Variants in SOX5 observed in about 807,000 individuals in gnomAD.
SOX5 encodes transcription factor SOX-5.
In SOX5, 9 loss-of-function variants were observed where a neutral mutation model predicts 92.0. The observed-to-expected ratio is 0.10, with a 90% CI of 0.06 to 0.17. The LOEUF (loss-of-function observed/expected upper bound fraction) is 0.17, where lower values mean the gene tolerates loss of function less well. Ranked by LOEUF, SOX5 falls within the 10% of genes least tolerant of loss-of-function variation. SOX5 has a pLI of 1.00. For missense variants in SOX5, 642 were observed against 944.5 expected (o/e 0.68, Z 4.20); for synonymous variants, 344 against 336.3 (o/e 1.02, Z -0.25).
intron 1 of SOX5, among the ~76,000 whole-genome samples, chr12:24,496,659 CAATA>C (rs1947670581): frequency 6.6e-6 from 1 of 152,100 alleles, no homozygotes; most frequent in Non-Finnish European, 1.5e-5. Context: ...GGAAAAGAAA[CAATA>C]AACCACACCC....
At chr12:23,849,068 T>G (rs1359270980) in intron 2 of SOX5, among the ~76,000 whole-genome samples, 1 of 152,178 alleles carries the variant, frequency 6.6e-6, no homozygotes, top group Non-Finnish European at 1.5e-5. Flanking sequence ...TCGAAAGAAA[T>G]ATTATTTCAA....
chr12:24,329,573 A>AT (rs1951068278), intron 2 of SOX5, among the ~76,000 whole-genome samples: 1 of 152,356 alleles, frequency 6.6e-6, no homozygotes, highest in African/African-American at 2.4e-5. Context: ...CAATTAAGAA[A>AT]TTAAAAATGA....
At chr12:24,050,841 C>CTTA (rs1266687075) in intron 4 of SOX5, among the ~76,000 whole-genome samples, 2 of 151,938 alleles carry the variant, frequency 1.3e-5, no homozygotes, top group Non-Finnish European at 2.9e-5. Flanking sequence ...CATTCTTCTT[C>CTTA]TTCTTATTAT....
At chr12:23,693,297 G>C (rs1049019644) in intron 6 of SOX5, among the ~76,000 whole-genome samples, 3 of 151,856 alleles carry the variant, frequency 2.0e-5, no homozygotes, top group Non-Finnish European at 4.4e-5. Context: ...CTAATTTATG[G>C]ATTTGTAGTA....
At chr12:23,767,604 A>G (rs1301490643) in intron 3 of SOX5, among the ~76,000 whole-genome samples, 2 of 152,210 alleles carry the variant, frequency 1.3e-5, no homozygotes, top group Non-Finnish European at 2.9e-5. Flanking sequence ...GGATTTCTAC[A>G]GGACAACATT....
intron 1 of SOX5, among the ~76,000 whole-genome samples, chr12:24,373,134 A>AT (rs397749540): frequency 2.6e-5 from 4 of 151,588 alleles, no homozygotes; most frequent in Non-Finnish European, 5.9e-5. Context: ...GAAAAAAAAA[A>AT]CCAGACTTGG....
chr12:24,305,307 CAA>C (rs1019693094), intron 2 of SOX5, among the ~76,000 whole-genome samples: 1 of 152,132 alleles, frequency 6.6e-6, no homozygotes, highest in African/African-American at 2.4e-5. Context: ...CTAAGTGTAA[CAA>C]AGAGAGATGT....
chr12:23,558,346 T>G (rs1317623067), intron 11 of SOX5, among the ~76,000 whole-genome samples: 1 of 152,206 alleles, frequency 6.6e-6, no homozygotes, highest in South Asian at 2.1e-4. Context: ...ATGAGATGTT[T>G]GTGGAAGTCA....
At chr12:23,861,100 AGACTAAAGCGT>A (rs1324128254) in intron 2 of SOX5, among the ~76,000 whole-genome samples, 1 of 152,112 alleles carries the variant, frequency 6.6e-6, no homozygotes, top group Non-Finnish European at 1.5e-5. Flanking sequence ...TACTCCAGGA[AGACTAAAGCGT>A]GACAAAAAGA....
chr12:23,701,847 A>G (rs1359524838), intron 6 of SOX5, among the ~76,000 whole-genome samples: 3 of 152,150 alleles, frequency 2.0e-5, no homozygotes, highest in East Asian at 3.9e-4. Context: ...ATTCTCCTCC[A>G]TTTCTCTTCT....
At chr12:24,381,894 C>T (rs1272509573) in intron 1 of SOX5, among the ~76,000 whole-genome samples, 2 of 152,172 alleles carry the variant, frequency 1.3e-5, no homozygotes, top group Non-Finnish European at 2.9e-5. Flanking sequence ...CCCAAAGCTT[C>T]CTACATGGAA....
chr12:23,914,462 G>A (rs1269968872), intron 1 of SOX5, among the ~76,000 whole-genome samples: 2 of 152,168 alleles, frequency 1.3e-5, no homozygotes, highest in South Asian at 2.1e-4. Context: ...TTTCCTTGAG[G>A]TATATCTAGA....
At chr12:24,341,149 A>G (rs1429152289) in intron 2 of SOX5, among the ~76,000 whole-genome samples, 1 of 152,200 alleles carries the variant, frequency 6.6e-6, no homozygotes, top group African/African-American at 2.4e-5. Context: ...TTTCAGTTTG[A>G]TAAGGTAAGT....
At chr12:23,629,621 T>C (rs1021288908) in intron 8 of SOX5, among the ~76,000 whole-genome samples, 102 of 152,096 alleles carry the variant, frequency 6.7e-4, no homozygotes, top group African/African-American at 2.1e-3. Context: ...TGCTTGAACA[T>C]ACTTGGAGTC....
intron 1 of SOX5, among the ~76,000 whole-genome samples, chr12:24,476,634 C>T (rs1309968921): frequency 2.6e-5 from 4 of 151,754 alleles, no homozygotes; most frequent in East Asian, 1.9e-4. Context: ...CAGGCCCCCA[C>T]GGCACTCTCT....
intron 4 of SOX5, among the ~76,000 whole-genome samples, chr12:24,127,216 C>A (rs1044679398): frequency 1.3e-5 from 2 of 151,580 alleles, no homozygotes; most frequent in African/African-American, 2.4e-5. Flanking sequence ...CATGGCAAAA[C>A]CCTGTCTCTA....
chr12:24,384,037 C>T (rs986954296), intron 1 of SOX5, among the ~76,000 whole-genome samples: 1 of 152,138 alleles, frequency 6.6e-6, no homozygotes, highest in East Asian at 1.9e-4. Context: ...TTCTCTCTCA[C>T]GTGCTGCCAT....
chr12:23,722,572 T>C (rs184600649), intron 6 of SOX5, among the ~76,000 whole-genome samples: 245 of 152,358 alleles, frequency 1.6e-3, no homozygotes, highest in Non-Finnish European at 2.7e-3. Context: ...TTTCACAAAT[T>C]GTGACCTTAA....
chr12:23,839,125 A>G (rs113521080), intron 3 of SOX5, among the ~76,000 whole-genome samples: 27 of 151,926 alleles, frequency 1.8e-4, no homozygotes, highest in African/African-American at 5.8e-4. Context: ...CTGGGATTAC[A>G]GGTGTGAGCC....
Sources: allele counts gnomAD v4.1 joint callset (sites outside exome capture counted in the v4.1 genomes callset), GRCh38; gene constraint gnomAD v4.1.1; transcripts MANE v1.5; gene names NCBI Gene and HGNC (gene_info 2026-07-23, HGNC 2026-07-21).